Variants in VAC14 observed in about 807,000 individuals in gnomAD.
The protein encoded by VAC14 is protein VAC14 homolog.
VAC14 carries 47 observed loss-of-function variants against 85.3 expected under a neutral mutation model. The observed-to-expected ratio is 0.55, with a 90% confidence interval of 0.44 to 0.70. VAC14 has a LOEUF of 0.70. VAC14 is among the 30% of genes least tolerant of loss of function. The pLI is 0.00. For missense variants in VAC14, 861 were observed against 1,004.3 expected (o/e 0.86, Z 1.93); for synonymous variants, 447 against 430.5 (o/e 1.04, Z -0.47).
chr16:70,700,302 C>T (rs1036275735), intron 14 of VAC14: 3 of 152,260 alleles, frequency 2.0e-5, no homozygotes, highest in Non-Finnish European at 4.4e-5. Context: ...GAAACAGAAA[C>T]AAGCGGCACA....
At chr16:70,786,059 C>T (rs1391098592) in intron 2 of VAC14, 156 bp downstream of exon 2, 16 of 1,406,104 alleles carry the variant, frequency 1.1e-5, no homozygotes, top group African/African-American at 2.9e-5. Context: ...GCTGCAAGGC[C>T]GCAAAGCCAG....
In VAC14 at chr16:70,687,984, C is replaced by A. The variant is rs370713356; in HGVS notation, c.2293G>T (p.Val765Leu). 3.1e-6 allele frequency: 5 copies of A among 1,598,934 alleles called. No individual in the cohort carries two copies. The African/African-American group carries it at 5.4e-5, about 17-fold the overall frequency. ...FEKVQNKHLE[V>L]RHQRSGRGDH... ...CCACGCCCGCTCCGCTGGTGCCGCA[C>A]TTCCAGGTGCTTGTTCTGGACCTTC... Residue 765 changes from valine to leucine, a missense_variant, in exon 19 of 19, where the codon GTG becomes TTG. Physicochemically the swap from Val to Leu is conservative, Grantham distance 32. Coordinates refer to ENST00000261776, the MANE Select transcript of VAC14 (RefSeq NM_018052.5).
intron 10 of VAC14, 37 bp from the exon 11 acceptor site, chr16:70,763,062 C>T (rs1430252314): frequency 1.9e-6 from 3 of 1,612,704 alleles, no homozygotes; most frequent in Non-Finnish European, 2.5e-6. Context: ...AGAGGTGAAG[C>T]CCACCATAGC....
chr16:70,780,730 T>A (rs1015328674), intron 9 of VAC14, 60 bp downstream of exon 9: 1 of 1,519,154 alleles, frequency 6.6e-7, no homozygotes, highest in South Asian at 1.3e-5. Context: ...GCAACTCCTA[T>A]GACATCTGGC....
At chr16:70,763,162 G>T in intron 10 of VAC14, 137 bp from the exon 11 acceptor site, 1 of 1,252,200 alleles carries the variant, frequency 8.0e-7, no homozygotes, top group Non-Finnish European at 1.1e-6. Flanking sequence ...GGGGGTCAGG[G>T]ATAACCTGAT....
At chr16:70,695,102 T>TC (rs1210307639) in intron 17 of VAC14, among the ~76,000 whole-genome samples, 1 of 146,082 alleles carries the variant, frequency 6.8e-6, no homozygotes, top group African/African-American at 2.5e-5. Context: ...AGGCCTATCA[T>TC]CCCAGTCTTT....
intron 14 of VAC14, among the ~76,000 whole-genome samples, chr16:70,706,994 G>A (rs2053933096): frequency 6.6e-6 from 1 of 152,154 alleles, no homozygotes; most frequent in Non-Finnish European, 1.5e-5. Context: ...CCTCCTCCCT[G>A]CCTTGTTCCT....
intron 10 of VAC14, among the ~76,000 whole-genome samples, chr16:70,764,378 G>C (rs1427335699): frequency 6.6e-6 from 1 of 152,154 alleles, no homozygotes; most frequent in South Asian, 2.1e-4. Flanking sequence ...TCACGTGGCT[G>C]GAAGTTCCTG....
At chr16:70,800,757 A>G (rs1596985207) in intron 1 of VAC14, 40 bp downstream of exon 1, 1 of 1,565,556 alleles carries the variant, frequency 6.4e-7, no homozygotes, top group East Asian at 2.3e-5. Flanking sequence ...CAGAGCAGTC[A>G]GGGGCTGCAT....
rs559363390 is a variant in VAC14, at chr16:70,734,799, A to C, written c.1529-3172T>G. Among the ~76,000 whole-genome samples the C allele has an allele frequency of 5.1e-4, 78 of 152,226 alleles. 1 individual carries two copies. The East Asian group carries it at 8.7e-3, about 17-fold the overall frequency. ...AAAAACCAACCAACAAAGAAACAAA[A>C]AAAAAAAACACTTGAAAAATATGCA... On this transcript the variant is annotated intron_variant, in intron 13 of 18. Coordinates refer to ENST00000261776, the MANE Select transcript of VAC14 (RefSeq NM_018052.5).
intron 14 of VAC14, among the ~76,000 whole-genome samples, chr16:70,704,772 G>C (rs960117158): frequency 2.0e-5 from 3 of 152,224 alleles, no homozygotes; most frequent in African/African-American, 7.2e-5. Flanking sequence ...CCTTCGCCAG[G>C]TGTCTGTAGG....
intron 1 of VAC14, among the ~76,000 whole-genome samples, chr16:70,794,750 C>A (rs74024457): frequency 2.8e-4 from 42 of 152,294 alleles, no homozygotes; most frequent in African/African-American, 9.6e-4. Flanking sequence ...CAGGGGCCAG[C>A]CTGTGACCCC....
chr16:70,718,929 C>T lies in VAC14; in HGVS notation c.1661+12566G>A, dbSNP rs551298024. Among the ~76,000 whole-genome samples the T allele has an allele frequency of 1.2e-3, 188 of 152,328 alleles. 1 individual carries two copies. The highest frequency in any genetic ancestry group is 4.3e-3 in the African/African-American group (180 of 41,592). On this transcript the variant is annotated intron_variant, in intron 14 of 18. Transcript: ENST00000261776. ...CTGCAGAGATCTTGCTGACCCTGGTCTTGGTCTGGATACAGAGGCCAGTGA... is the reference window on the plus strand; with the variant it reads ...CTGCAGAGATCTTGCTGACCCTGGTTTTGGTCTGGATACAGAGGCCAGTGA...
chr16:70,743,493 C>A (rs61552296), intron 13 of VAC14, among the ~76,000 whole-genome samples: 236 of 152,356 alleles, frequency 1.5e-3, no homozygotes, highest in African/African-American at 5.6e-3. Flanking sequence ...AGCTGTAACA[C>A]TTGCCGCAAA....
intron 14 of VAC14, among the ~76,000 whole-genome samples, chr16:70,708,784 C>T (rs2053971309): frequency 6.6e-6 from 1 of 152,160 alleles, no homozygotes; most frequent in Non-Finnish European, 1.5e-5. Flanking sequence ...GAGGGCAAGG[C>T]CGGGGTGAGG....
At chr16:70,779,979 A>AAG (rs1161342113) in intron 9 of VAC14, among the ~76,000 whole-genome samples, 1 of 150,876 alleles carries the variant, frequency 6.6e-6, no homozygotes, top group Non-Finnish European at 1.5e-5. Context: ...AGGAGCTGGG[A>AAG]CTATAGGTGT....
chr16:70,785,574 G>T, intron 3 of VAC14, 128 bp downstream of exon 3: 1 of 1,098,480 alleles, frequency 9.1e-7, no homozygotes, highest in South Asian at 1.7e-5. Context: ...CAGACAGTAA[G>T]TGTCCCTTGC....
intron 9 of VAC14, among the ~76,000 whole-genome samples, chr16:70,774,355 G>C (rs558186550): frequency 6.6e-6 from 1 of 152,228 alleles, no homozygotes; most frequent in African/African-American, 2.4e-5. Flanking sequence ...AGGGAGTTGC[G>C]CATCATTGGA....
intron 14 of VAC14, among the ~76,000 whole-genome samples, chr16:70,724,043 C>T (rs560860760): frequency 1.3e-5 from 2 of 152,340 alleles, no homozygotes; most frequent in South Asian, 2.1e-4. Context: ...CTCCCACCAG[C>T]CCTGCTCAAA....
Sources: gnomAD v4.1 joint callset for allele counts (sites outside exome capture counted in the v4.1 genomes callset) on GRCh38, gnomAD v4.1.1 for gene constraint, MANE v1.5 for transcripts, NCBI Gene and HGNC (gene_info 2026-07-23, HGNC 2026-07-21) for gene names.